SLC22A3: variants seen among roughly 807,000 people sequenced by gnomAD.
The protein encoded by SLC22A3 is EMT organic cation transporter 3.
SLC22A3 carries 51 observed loss-of-function variants against 59.1 expected under a neutral mutation model. That is an observed-to-expected ratio of 0.86 (90% CI 0.69 to 1.09). The LOEUF (loss-of-function observed/expected upper bound fraction) is 1.09. SLC22A3 is among the 50% of genes least tolerant of loss of function. The pLI is 0.00. For missense variants in SLC22A3, 711 were observed against 726.3 expected, an observed-to-expected ratio of 0.98 and a Z score of 0.24; for synonymous variants, 325 against 292.0, an observed-to-expected ratio of 1.11 and a Z score of -1.15.
chr6:160,438,593 CACAT>C (rs888938605), intron 7 of SLC22A3, among the ~76,000 whole-genome samples: 13 of 45,774 alleles, frequency 2.8e-4, no homozygotes, highest in African/African-American at 1.9e-3. Flanking sequence ...CACACACACA[CACAT>C]ACACACACAC....
intron 1 of SLC22A3, among the ~76,000 whole-genome samples, chr6:160,354,648 T>A (rs962498098): frequency 1.3e-5 from 2 of 152,174 alleles, no homozygotes; most frequent in Non-Finnish European, 2.9e-5. Context: ...AAAAATATTT[T>A]AAAATTTTTA....
rs1788683874 is a variant in SLC22A3, at chr6:160,444,863, CAA to C, written c.1510+1123_1510+1124del. On this transcript the variant is annotated intron_variant, in intron 9 of 10. Transcript: ENST00000275300. ...AAAAGTCCTTTGACAGTGTGAGGGA[CAA>C]AGAGTCGGCTTCTACCACTTGACAC... 2.0e-5 allele frequency among the ~76,000 whole-genome samples: 3 copies of C among 152,340 alleles called. No homozygotes were observed. In the South Asian group the frequency reaches 6.2e-4, roughly 32 times the overall value.
Position 160,437,096 on chromosome 6 carries a change from G to A in SLC22A3, c.1173G>A (p.Leu391=). Residue 391 remains leucine (L), a synonymous_variant, in exon 7 of 11, where the codon CTG becomes CTA. Transcript: ENST00000275300. ...IDFFISGVVE[L]PGALLILLTI... ...TTTTCATCTCGGGCGTGGTGGAACTGCCAGGAGCTCTCTTGATCTTACTAA... is the reference window on the plus strand; with the variant it reads ...TTTTCATCTCGGGCGTGGTGGAACTACCAGGAGCTCTCTTGATCTTACTAA... The A allele has an allele frequency of 6.2e-7, 1 of 1,614,150 alleles. No homozygotes were observed. Among genetic ancestry groups the A allele is most frequent in the Non-Finnish European group, 8.5e-7 (1 of 1,180,000 alleles).
chr6:160,433,082 T>C (rs2114907678), intron 5 of SLC22A3, among the ~76,000 whole-genome samples: 2 of 152,366 alleles, frequency 1.3e-5, no homozygotes, highest in Admixed American at 6.5e-5. Flanking sequence ...CGTCTATGAC[T>C]GTTTTCACAC....
intron 1 of SLC22A3, among the ~76,000 whole-genome samples, chr6:160,393,882 A>G (rs920764062): frequency 2.6e-5 from 4 of 152,264 alleles, no homozygotes; most frequent in Non-Finnish European, 5.9e-5. Flanking sequence ...AAAAGCTAAG[A>G]AAAACCTTCA....
rs180939570 is a variant in SLC22A3, at chr6:160,447,658, C to G, written c.1511-61C>G. ...ATGATGGCTTCAGAGTGAGCAGGCC[C>G]CATGGGAGAGGGCCCAGCTGTGTCT... On this transcript the variant is annotated intron_variant, in intron 9 of 10. Transcript: ENST00000275300. 4.0e-4 allele frequency: 569 copies of G among 1,426,118 alleles called. 6 individuals are homozygous for G. The African/African-American group carries it at 7.3e-3, about 18-fold the overall frequency. The allele number at this position is 1,426,118 out of a possible 1,614,324, so 88.3% of individuals were successfully genotyped here.
At chr6:160,429,660 CA>C (rs1274227483) in intron 5 of SLC22A3, among the ~76,000 whole-genome samples, 2 of 152,134 alleles carry the variant, frequency 1.3e-5, no homozygotes, top group African/African-American at 4.8e-5. Context: ...AGCAGGCTCC[CA>C]GGGGAGACCA....
intron 1 of SLC22A3, among the ~76,000 whole-genome samples, chr6:160,371,431 T>C (rs1785394650): frequency 1.3e-5 from 2 of 151,968 alleles, no homozygotes. Flanking sequence ...GAACATGAGG[T>C]GTTTGGTTTT....
At chr6:160,399,309 T>G (rs1351132856) in intron 2 of SLC22A3, among the ~76,000 whole-genome samples, 1 of 152,166 alleles carries the variant, frequency 6.6e-6, no homozygotes, top group African/African-American at 2.4e-5. Flanking sequence ...CATGCCACTC[T>G]TTTTTTGCTG....
chr6:160,386,972 C>T (rs1017724872), intron 1 of SLC22A3, among the ~76,000 whole-genome samples: 1 of 152,192 alleles, frequency 6.6e-6, no homozygotes, highest in African/African-American at 2.4e-5. Context: ...GATCCCTGCT[C>T]CAAGCACTGC....
intron 5 of SLC22A3, among the ~76,000 whole-genome samples, chr6:160,423,100 C>T (rs1423189492): frequency 6.6e-6 from 1 of 152,046 alleles, no homozygotes; most frequent in Non-Finnish European, 1.5e-5. Flanking sequence ...TTTGTTCTTG[C>T]AATAGTTTGC....
intron 9 of SLC22A3, among the ~76,000 whole-genome samples, 191 bp downstream of exon 9, chr6:160,443,933 GTTATAA>G (rs1177008872): frequency 6.6e-6 from 1 of 152,062 alleles, no homozygotes; most frequent in Non-Finnish European, 1.5e-5. Flanking sequence ...AGCCAATTCA[GTTATAA>G]TGAATGGTTT....
At chr6:160,391,625 C>T (rs183229103) in intron 1 of SLC22A3, among the ~76,000 whole-genome samples, 2 of 152,306 alleles carry the variant, frequency 1.3e-5, no homozygotes, top group Admixed American at 1.3e-4. Context: ...CAAGAGAACC[C>T]AGAACATATT....
At chr6:160,443,970 G>C (rs1003132641) in intron 9 of SLC22A3, among the ~76,000 whole-genome samples, 1 of 152,060 alleles carries the variant, frequency 6.6e-6, no homozygotes, top group Non-Finnish European at 1.5e-5. Context: ...TATATTAAAG[G>C]GTGCTGATAA....
chr6:160,444,053 C>T (rs1395133235), intron 9 of SLC22A3, among the ~76,000 whole-genome samples: 1 of 152,006 alleles, frequency 6.6e-6, no homozygotes, highest in Non-Finnish European at 1.5e-5. Context: ...GAGAACATAA[C>T]CAATAATTTT....
intron 5 of SLC22A3, among the ~76,000 whole-genome samples, chr6:160,430,005 A>G (rs1338600359): frequency 2.6e-5 from 4 of 152,138 alleles, no homozygotes; most frequent in Non-Finnish European, 5.9e-5. Context: ...GTTATAAAAC[A>G]TAAGATTAAT....
At chr6:160,422,016 T>C (rs1385907537) in intron 5 of SLC22A3, among the ~76,000 whole-genome samples, 1 of 152,216 alleles carries the variant, frequency 6.6e-6, no homozygotes, top group East Asian at 1.9e-4. Context: ...CAGTAATGAG[T>C]ACAACTTCCA....
At chr6:160,373,957 G>T (rs1276419745) in intron 1 of SLC22A3, among the ~76,000 whole-genome samples, 2 of 152,318 alleles carry the variant, frequency 1.3e-5, no homozygotes, top group South Asian at 2.1e-4. Context: ...ATAGGGGTGG[G>T]ATTCACTGAG....
chr6:160,366,124 C>T (rs1011542201), intron 1 of SLC22A3, among the ~76,000 whole-genome samples: 1 of 152,154 alleles, frequency 6.6e-6, no homozygotes, highest in African/African-American at 2.4e-5. Context: ...ATCTCATGTC[C>T]TCCCATCTCA....
Sources: gnomAD v4.1 joint callset for allele counts (sites outside exome capture counted in the v4.1 genomes callset) on GRCh38, gnomAD v4.1.1 for gene constraint, MANE v1.5 for transcripts, NCBI Gene and HGNC (gene_info 2026-07-23, HGNC 2026-07-21) for gene names.